The following ADAMTS17 variants were observed in gnomAD, a reference collection of about 807,000 sequenced individuals.
ADAMTS17 encodes the protein A disintegrin and metalloproteinase with thrombospondin motifs 17.
A neutral mutation model predicts 141.5 loss-of-function variants in ADAMTS17; 113 were observed. The observed-to-expected ratio is 0.80, with a 90% CI of 0.69 to 0.93. ADAMTS17 has a LOEUF of 0.93. Ranked by LOEUF, ADAMTS17 falls within the 40% of genes least tolerant of loss-of-function variation. The pLI, the probability that ADAMTS17 is intolerant of heterozygous loss-of-function variation, is 0.00. For synonymous variants in ADAMTS17, 768 were observed against 630.6 expected (o/e 1.22, Z -3.27); for missense variants, 1,659 against 1,517.9 (o/e 1.09, Z -1.54).
At chr15:100,094,350 G>A (rs1188097814) in intron 15 of ADAMTS17, among the ~76,000 whole-genome samples, 1 of 152,238 alleles carries the variant, frequency 6.6e-6, no homozygotes, top group Admixed American at 6.5e-5. Flanking sequence ...TCACATTCCA[G>A]ACAGGGATGT....
chr15:100,075,712 T>G (rs1190133803), intron 15 of ADAMTS17, among the ~76,000 whole-genome samples: 1 of 152,184 alleles, frequency 6.6e-6, no homozygotes, highest in Non-Finnish European at 1.5e-5. Context: ...ATTTGCTTGG[T>G]TTTCTTTTGG....
rs745460074 is a variant in ADAMTS17, at chr15:100,281,310, G to A, written c.708C>T (p.Thr236=). The change falls in exon 4 of 22, where the codon ACC becomes ACT. Residue 236 remains threonine, a synonymous_variant. Coordinates refer to ENST00000268070, the MANE Select transcript of ADAMTS17 (RefSeq NM_139057.4). ...IRLTSEHTVE[T]LVVADADMVQ... Reference sequence around the variant, plus strand: ...CCATGTCGGCGTCGGCCACCACCAGGGTCTCCACCGTGTGCTCGCTGGTGA... The same window carrying A: ...CCATGTCGGCGTCGGCCACCACCAGAGTCTCCACCGTGTGCTCGCTGGTGA... 57 of 1,609,906 alleles carry A rather than the reference G, an allele frequency of 3.5e-5. 4 individuals are homozygous for A. The South Asian group carries it at 5.4e-4, about 15-fold the overall frequency.
chr15:100,310,852 G>A (rs2045380786), intron 3 of ADAMTS17, among the ~76,000 whole-genome samples: 1 of 152,180 alleles, frequency 6.6e-6, no homozygotes, highest in African/African-American at 2.4e-5. Flanking sequence ...GCCAGTTTGT[G>A]CAACCCCATA....
At chr15:100,294,159 T>A (rs914422920) in intron 3 of ADAMTS17, among the ~76,000 whole-genome samples, 1 of 152,224 alleles carries the variant, frequency 6.6e-6, no homozygotes, top group Non-Finnish European at 1.5e-5. Flanking sequence ...ACTCGTCTTA[T>A]TTCTATCATC....
At chr15:100,290,615 G>C (rs1300817689) in intron 3 of ADAMTS17, among the ~76,000 whole-genome samples, 1 of 152,090 alleles carries the variant, frequency 6.6e-6, no homozygotes, top group African/African-American at 2.4e-5. Context: ...ATACTACAAG[G>C]CTAGAGTAAC....
intron 8 of ADAMTS17, among the ~76,000 whole-genome samples, chr15:100,194,021 C>T (rs1438449279): frequency 6.6e-6 from 1 of 152,232 alleles, no homozygotes; most frequent in Non-Finnish European, 1.5e-5. Flanking sequence ...CTAACAGACA[C>T]TCCTCACTCC....
intron 10 of ADAMTS17, among the ~76,000 whole-genome samples, chr15:100,141,227 G>T (rs896164537): frequency 6.6e-6 from 1 of 152,170 alleles, no homozygotes; most frequent in Non-Finnish European, 1.5e-5. Context: ...TCCCTGGAGC[G>T]CTGTGAAAAC....
In ADAMTS17 at chr15:100,341,860, C is replaced by T. The variant is rs757837581; in HGVS notation, c.40G>A (p.Val14Met). 5.2e-6 allele frequency: 8 copies of T among 1,553,080 alleles called. No homozygotes were observed. The highest frequency in any genetic ancestry group is 1.9e-5 in the Admixed American group (1 of 51,336). ...AGTCCCCAAACCAGCAGCAGCAGCACGGGCAGGACGAGCGGAGGCAGCAGG... is the reference window on the plus strand; with the variant it reads ...AGTCCCCAAACCAGCAGCAGCAGCATGGGCAGGACGAGCGGAGGCAGCAGG... ...GALLPPLVLP[V>M]LLLLVWGLDP... The change falls in exon 1 of 22, where the codon GTG becomes ATG. Residue 14 changes from valine to methionine, a missense_variant. Coordinates refer to ENST00000268070, the MANE Select transcript of ADAMTS17 (RefSeq NM_139057.4).
intron 3 of ADAMTS17, among the ~76,000 whole-genome samples, chr15:100,290,783 T>A (rs944399717): frequency 1.3e-5 from 2 of 152,154 alleles, no homozygotes; most frequent in Non-Finnish European, 2.9e-5. Flanking sequence ...TAAATGGTGC[T>A]GAAATAACTT....
At position 100,056,979 on chromosome 15, in the gene ADAMTS17, C is replaced by T. The variant is rs572997488; in HGVS notation, c.2138-2925G>A. On this transcript the variant is annotated intron_variant, in intron 15 of 21. Transcript: ENST00000268070. Reference sequence around the variant, plus strand: ...TGGGGAAGGCTTCCTGGGATAAGCCCGCTTTCAGCTGAGCGTGTAAGACAG... The same window carrying T: ...TGGGGAAGGCTTCCTGGGATAAGCCTGCTTTCAGCTGAGCGTGTAAGACAG... Among the ~76,000 whole-genome samples the T allele has an allele frequency of 4.6e-5, 7 of 152,148 alleles. No individual in the cohort carries two copies. In the East Asian group the frequency reaches 5.8e-4, roughly 13 times the overall value.
chr15:100,178,292 T>A (rs972177642), intron 8 of ADAMTS17, among the ~76,000 whole-genome samples: 9 of 152,150 alleles, frequency 5.9e-5, no homozygotes, highest in Admixed American at 1.3e-4. Context: ...TTTGATTTAT[T>A]CATGATTTTA....
chr15:100,155,095 T>C, intron 9 of ADAMTS17, 85 bp downstream of exon 9: 1 of 1,600,982 alleles, frequency 6.2e-7, no homozygotes, highest in Non-Finnish European at 8.5e-7. Context: ...ATTTCTCCAC[T>C]TCACACTTGC....
intron 15 of ADAMTS17, among the ~76,000 whole-genome samples, chr15:100,079,574 G>A (rs1403407632): frequency 1.3e-5 from 2 of 152,174 alleles, no homozygotes; most frequent in Admixed American, 1.3e-4. Context: ...CAAGCATGGG[G>A]TTTCTTTTGG....
intron 10 of ADAMTS17, among the ~76,000 whole-genome samples, chr15:100,146,172 T>G (rs2038893873): frequency 6.6e-6 from 1 of 152,022 alleles, no homozygotes. Context: ...AAACTCCATC[T>G]CCAAAAAAAC....
intron 7 of ADAMTS17, among the ~76,000 whole-genome samples, chr15:100,209,976 G>A (rs901572938): frequency 9.2e-5 from 14 of 152,280 alleles, no homozygotes; most frequent in Middle Eastern, 3.4e-3. Context: ...TACATTTCCA[G>A]GTTGCCTCTA....
At chr15:99,980,577 G>C (rs1331232190) in intron 20 of ADAMTS17, 2 of 152,310 alleles carry the variant, frequency 1.3e-5, no homozygotes, top group African/African-American at 4.8e-5. Flanking sequence ...TCACTCCCCT[G>C]CATCTCCTGA....
chr15:100,097,288 C>G (rs2035821975), intron 14 of ADAMTS17, among the ~76,000 whole-genome samples: 1 of 152,190 alleles, frequency 6.6e-6, no homozygotes, highest in Admixed American at 6.5e-5. Context: ...CCCTATAAAG[C>G]TAATGCTTCC....
Position 100,005,084 on chromosome 15 carries a change from T to G in ADAMTS17, c.2592-7495A>C, listed in dbSNP as rs1467829581. ...ACTGTAATTCTTTAGGAAGTCACAG[T>G]TAACGCTTCTCTAATTCAGGGCACC... is the stretch of plus-strand genomic sequence containing the variant. On this transcript the variant is annotated intron_variant, in intron 18 of 21. Transcript: ENST00000268070. Among the ~76,000 whole-genome samples the G allele has an allele frequency of 3.9e-5, 6 of 152,162 alleles. No individual in the cohort carries two copies. The East Asian group carries it at 1.2e-3, about 29-fold the overall frequency.
chr15:100,090,685 G>A (rs895006502), intron 15 of ADAMTS17, among the ~76,000 whole-genome samples: 1 of 152,102 alleles, frequency 6.6e-6, no homozygotes, highest in Non-Finnish European at 1.5e-5. Flanking sequence ...TCTGCTAACC[G>A]TCCTACGACA....
Sources: allele counts gnomAD v4.1 joint callset (sites outside exome capture counted in the v4.1 genomes callset), GRCh38; gene constraint gnomAD v4.1.1; transcripts MANE v1.5; gene names NCBI Gene and HGNC (gene_info 2026-07-23, HGNC 2026-07-21).